The following ANKRD18B variants were observed in gnomAD, a reference collection of about 807,000 sequenced individuals.
The protein encoded by ANKRD18B is ankyrin repeat domain 18B.
A neutral mutation model predicts 111.8 loss-of-function variants in ANKRD18B; 75 were observed. The ratio of observed to expected loss-of-function variants is 0.67; its 90% CI spans 0.56 to 0.81. The LOEUF (loss-of-function observed/expected upper bound fraction) is 0.81. ANKRD18B is among the 40% of genes least tolerant of loss of function. ANKRD18B has a pLI of 0.00. For synonymous variants in ANKRD18B, 356 were observed against 417.3 expected (o/e 0.85, Z 1.79); for missense variants, 1,038 against 1,225.5 (o/e 0.85, Z 2.28).
At chr9:33,531,027 T>A (rs1348053844) in intron 3 of ANKRD18B, among the ~76,000 whole-genome samples, 1 of 152,342 alleles carries the variant, frequency 6.6e-6, no homozygotes, top group East Asian at 1.9e-4. Context: ...TATCTCAGTA[T>A]GTCTGTTAAG....
intron 9 of ANKRD18B, among the ~76,000 whole-genome samples, chr9:33,542,915 T>C (rs983805490): frequency 6.6e-6 from 1 of 152,166 alleles, no homozygotes; most frequent in African/African-American, 2.4e-5. Flanking sequence ...CCAGCAGTTT[T>C]TTTTTTATAT....
rs1828062981 is a variant in ANKRD18B, at chr9:33,528,725, A to G, written c.207-2A>G. 5 of 1,607,184 alleles carry G rather than the reference A, an allele frequency of 3.1e-6. No homozygotes were observed. Among genetic ancestry groups the G allele is most frequent in the Non-Finnish European group, 4.2e-6 (5 of 1,176,948 alleles). On this transcript the variant is annotated splice_acceptor_variant, in intron 1 of 18. Coordinates refer to ENST00000684830, the MANE Select transcript of ANKRD18B (RefSeq NM_001393611.1). LOFTEE classifies it high-confidence loss of function. ...TCCTGAAAACCCCTCTCGCTCTCCT[A>G]GGACTGTTCTACATTTGGCCTGTGC...
intron 12 of ANKRD18B, among the ~76,000 whole-genome samples, chr9:33,555,302 A>T (rs1307405245): frequency 6.6e-6 from 1 of 152,242 alleles, no homozygotes; most frequent in Non-Finnish European, 1.5e-5. Flanking sequence ...GGAACTAGAT[A>T]AGAGTTTTCT....
chr9:33,571,233 T>G lies in ANKRD18B; in HGVS notation c.3178-13T>G. On this transcript the variant is annotated splice_polypyrimidine_tract_variant and intron_variant, in intron 17 of 18. Coordinates refer to ENST00000684830, the MANE Select transcript of ANKRD18B (RefSeq NM_001393611.1). ...TTAAACATTATTATTATTTTTTTTT[T>G]TACTTATTTTAGATGGAGCTGGACT... The G allele has an allele frequency of 1.0e-6, 1 of 995,222 alleles. No individual in the cohort carries two copies. Among genetic ancestry groups the G allele is most frequent in the Non-Finnish European group, 1.2e-6 (1 of 803,532 alleles). 61.6% of individuals were successfully genotyped at this position (995,222 alleles called of 1,614,324 possible).
chr9:33,555,086 A>G (rs147275267), intron 12 of ANKRD18B, among the ~76,000 whole-genome samples: 2,699 of 148,906 alleles, frequency 0.018, 98 homozygotes, highest in Admixed American at 0.091. Flanking sequence ...TGTGTCATAG[A>G]GTCCAATGGA....
In ANKRD18B at chr9:33,567,245, T is replaced by A; in HGVS notation, c.2885T>A (p.Leu962Ter). 4 of 1,549,840 alleles carry A rather than the reference T, an allele frequency of 2.6e-6. No individual in the cohort carries two copies. In the African/African-American group the frequency reaches 4.1e-5, roughly 16 times the overall value. ...KTAYEDVTTE[L>*]EEYKEAFAVA... ...GCTTATGAAGATGTTACAACTGAAT[T>A]AGAAGAGTATAAGGAAGCCTTTGCA... Residue 962 changes from leucine (L) to a stop codon, truncating the protein, a stop_gained, in exon 16 of 19, where the codon TTA becomes TAA. Transcript: ENST00000684830. LOFTEE classifies it high-confidence loss of function.
intron 12 of ANKRD18B, among the ~76,000 whole-genome samples, chr9:33,554,125 C>A (rs1828486773): frequency 8.1e-6 from 1 of 123,064 alleles, no homozygotes. Flanking sequence ...TATACTGGCC[C>A]AAAAAAGAAG....
chr9:33,553,694 A>T (rs1410647885), intron 12 of ANKRD18B, among the ~76,000 whole-genome samples: 1 of 152,258 alleles, frequency 6.6e-6, no homozygotes, highest in Non-Finnish European at 1.5e-5. Flanking sequence ...GATGTTCATC[A>T]TGCCATATCT....
intron 6 of ANKRD18B, among the ~76,000 whole-genome samples, chr9:33,538,547 C>T (rs1476417213): frequency 2.6e-5 from 4 of 152,040 alleles, no homozygotes; most frequent in Non-Finnish European, 4.4e-5. Flanking sequence ...ACCAGCCTGA[C>T]CAACATGGTG....
chr9:33,559,473 G>A (rs1263451551), intron 14 of ANKRD18B, among the ~76,000 whole-genome samples: 1 of 152,044 alleles, frequency 6.6e-6, no homozygotes, highest in Non-Finnish European at 1.5e-5. Context: ...CATTATAAGA[G>A]TTAATAAAAC....
In ANKRD18B at chr9:33,568,665, T is replaced by C; in HGVS notation, c.2955-6T>C. The stretch of plus-strand genomic sequence containing the variant: ...TACTAAGCATTTGTCTTTGCTCTCT[T>C]TACAGATCGGATAAGAAAATAGCTG... On this transcript the variant is annotated splice_polypyrimidine_tract_variant and splice_region_variant and intron_variant, in intron 16 of 18. Coordinates refer to ENST00000684830, the MANE Select transcript of ANKRD18B (RefSeq NM_001393611.1). 14 of 1,529,980 alleles carry C rather than the reference T, an allele frequency of 9.2e-6. No individual in the cohort carries two copies. Among genetic ancestry groups the C allele is most frequent in the Non-Finnish European group, 1.2e-5 (14 of 1,139,642 alleles). The allele number at this position is 1,529,980 out of a possible 1,614,324, so 94.8% of individuals were successfully genotyped here.
intron 9 of ANKRD18B, among the ~76,000 whole-genome samples, chr9:33,542,377 C>CTT (rs34380811): frequency 0.24 from 32,344 of 136,698 alleles, 4,601 homozygotes; most frequent in Non-Finnish European, 0.32. Flanking sequence ...GCCTTTTTTC[C>CTT]TTTTTTTTTT....
downstream of ANKRD18B, chr9:33,573,051 G>T: frequency 1.5e-6 from 1 of 653,566 alleles, no homozygotes; most frequent in Non-Finnish European, 2.1e-6. Context: ...TTAGGCCAGT[G>T]GTAGACATTT....
rs550316840 is a variant in ANKRD18B, at chr9:33,530,804, A to G, written c.495+1631A>G. On this transcript the variant is annotated intron_variant, in intron 3 of 18. Coordinates refer to ENST00000684830, the MANE Select transcript of ANKRD18B (RefSeq NM_001393611.1). ...AGAATGACACTTTTTGCTTCCCACC[A>G]TGAATCATTCACTGCCATTCAGAAA... 2.6e-5 allele frequency among the ~76,000 whole-genome samples: 4 copies of G among 152,340 alleles called. No individual in the cohort carries two copies. In the South Asian group the frequency reaches 6.2e-4, roughly 24 times the overall value.
chr9:33,530,978 C>A (rs770832289), intron 3 of ANKRD18B, among the ~76,000 whole-genome samples: 1 of 152,084 alleles, frequency 6.6e-6, no homozygotes, highest in Non-Finnish European at 1.5e-5. Flanking sequence ...AGTAGCAAAT[C>A]TTGAACCTTT....
intron 14 of ANKRD18B, among the ~76,000 whole-genome samples, chr9:33,559,853 A>G (rs1453791844): frequency 1.3e-5 from 2 of 152,190 alleles, no homozygotes; most frequent in African/African-American, 4.8e-5. Flanking sequence ...TATACAAGTC[A>G]TTCAATTTTA....
At chr9:33,555,920 C>A in intron 13 of ANKRD18B, 100 bp downstream of exon 13, 26 of 736,206 alleles carry the variant, frequency 3.5e-5, no homozygotes, top group Non-Finnish European at 4.6e-5. Flanking sequence ...TTTATGTCTT[C>A]ATTTTCATAA....
intron 14 of ANKRD18B, among the ~76,000 whole-genome samples, chr9:33,559,777 A>G (rs1281235739): frequency 6.6e-6 from 1 of 152,178 alleles, no homozygotes; most frequent in Non-Finnish European, 1.5e-5. Context: ...AGTACCAAAT[A>G]AATTTTGGGG....
At chr9:33,561,321 C>A (rs986571841) in intron 14 of ANKRD18B, among the ~76,000 whole-genome samples, 3 of 152,176 alleles carry the variant, frequency 2.0e-5, no homozygotes, top group Non-Finnish European at 4.4e-5. Context: ...TGCTTATTAT[C>A]CATCTTTATA....
Sources: allele counts gnomAD v4.1 joint callset (sites outside exome capture counted in the v4.1 genomes callset), GRCh38; gene constraint gnomAD v4.1.1; transcripts MANE v1.5; gene names NCBI Gene and HGNC (gene_info 2026-07-23, HGNC 2026-07-21).